MARF1: variants seen among roughly 807,000 people sequenced by gnomAD.
The protein encoded by MARF1 is limkain-b1.
A neutral mutation model predicts 168.2 loss-of-function variants in MARF1; 24 were observed. That is an observed-to-expected ratio of 0.14 (90% CI 0.10 to 0.20). MARF1 has a LOEUF of 0.20. MARF1 is among the 10% of genes least tolerant of loss of function. The pLI is 1.00. For synonymous variants in MARF1, 868 were observed against 822.4 expected, an observed-to-expected ratio of 1.06 and a Z score of -0.95; for missense variants, 1,744 against 2,143.6, an observed-to-expected ratio of 0.81 and a Z score of 3.68.
intron 4 of MARF1, 77 bp downstream of exon 4, chr16:15,634,680 G>T: frequency 7.2e-7 from 1 of 1,379,858 alleles, no homozygotes; most frequent in South Asian, 1.3e-5. Flanking sequence ...ATCCTTCAAA[G>T]GTGATTAAAT....
chr16:15,615,893 T>C lies in MARF1; in HGVS notation c.3190A>G (p.Thr1064Ala). Residue 1064 changes from threonine (T) to alanine (A), a missense_variant, in exon 16 of 27, where the codon ACT becomes GCT. By Grantham distance (58) the Thr-to-Ala change is moderately conservative. Around this residue, in one of 7 missense-constraint regions of MARF1, gnomAD observed 543 missense variants for 742.1 expected, o/e 0.73. Coordinates refer to ENST00000396368, the MANE Select transcript of MARF1 (RefSeq NM_014647.4). ...ITCVPGVNIA[T>A]AQNGIKVVKW... ...ACCACTTTGATGCCATTCTGAGCAG[T>C]GGCAATGTTTACACCTGGAACACAG... 1.2e-6 allele frequency: 2 copies of C among 1,602,644 alleles called. No individual in the cohort carries two copies. Among genetic ancestry groups the C allele is most frequent in the South Asian group, 2.2e-5 (2 of 89,358 alleles).
At chr16:15,609,757 A>G in intron 19 of MARF1, 32 bp from the exon 20 acceptor site, 1 of 1,581,414 alleles carries the variant, frequency 6.3e-7, no homozygotes, top group South Asian at 1.1e-5. Context: ...ATAAAATCAC[A>G]GTTTTTTTCT....
At chr16:15,604,849 C>T (rs1322072682) in intron 21 of MARF1, among the ~76,000 whole-genome samples, 2 of 152,182 alleles carry the variant, frequency 1.3e-5, no homozygotes, top group Non-Finnish European at 2.9e-5. Context: ...TGCCCATATG[C>T]GTCCCCAGGG....
Position 15,636,304 on chromosome 16 carries a change from T to G in MARF1, c.183A>C (p.Leu61=). The G allele has an allele frequency of 6.3e-7, 1 of 1,580,928 alleles. No individual in the cohort carries two copies. The highest frequency in any genetic ancestry group is 8.6e-7 in the Non-Finnish European group (1 of 1,162,306). ...YMENKKVAVE[L]KDVPSPLHAG... The stretch of plus-strand genomic sequence containing the variant: ...CATGAAGGGGTGATGGTACATCCTT[T>G]AGTTCCACAGCAACTTTCTTGTTCT... Residue 61 remains leucine (L), a synonymous_variant, in exon 3 of 27, where the codon CTA becomes CTC. Coordinates refer to ENST00000396368, the MANE Select transcript of MARF1 (RefSeq NM_014647.4).
At chr16:15,628,958 A>ACAT (rs1165449775) in intron 7 of MARF1, among the ~76,000 whole-genome samples, 2 of 152,196 alleles carry the variant, frequency 1.3e-5, no homozygotes, top group Non-Finnish European at 2.9e-5. Context: ...AATTATCAAA[A>ACAT]CATTGTTTTG....
At position 15,617,288 on chromosome 16, in the gene MARF1, G is replaced by T; in HGVS notation, c.2957+11C>A. 6.2e-7 allele frequency: 1 copy of T among 1,611,550 alleles called. No homozygotes were observed. The highest frequency in any genetic ancestry group is 1.1e-5 in the South Asian group (1 of 90,976). ...AAAAGAATTACTTCTAAAGGAAAACGAACGGCACACCTGAAATCCTTATTG... is the reference window on the plus strand; with the variant it reads ...AAAAGAATTACTTCTAAAGGAAAACTAACGGCACACCTGAAATCCTTATTG... On this transcript the variant is annotated intron_variant, in intron 14 of 26. Transcript: ENST00000396368.
At chr16:15,632,979 A>G (rs1016418225) in intron 5 of MARF1, among the ~76,000 whole-genome samples, 4 of 152,186 alleles carry the variant, frequency 2.6e-5, no homozygotes, top group Non-Finnish European at 4.4e-5. Context: ...TGAAAATCAA[A>G]GGAAATAATA....
intron 23 of MARF1, chr16:15,601,581 C>G: frequency 3.5e-6 from 1 of 286,254 alleles, no homozygotes. Flanking sequence ...AGAATGCTCT[C>G]TCCCCTCCTT....
intron 26 of MARF1, among the ~76,000 whole-genome samples, chr16:15,597,383 G>C (rs1225311403): frequency 6.6e-6 from 1 of 152,182 alleles, no homozygotes; most frequent in Non-Finnish European, 1.5e-5. Context: ...CATTTAGAGA[G>C]GACCTATGCT....
At chr16:15,613,040 G>A (rs999233871) in intron 16 of MARF1, among the ~76,000 whole-genome samples, 3 of 152,128 alleles carry the variant, frequency 2.0e-5, no homozygotes, top group Non-Finnish European at 2.9e-5. Context: ...CTACTATAGT[G>A]TTATTTATAG....
At chr16:15,626,016 TAC>T (rs1405759524) in intron 7 of MARF1, among the ~76,000 whole-genome samples, 2 of 152,162 alleles carry the variant, frequency 1.3e-5, no homozygotes, top group Non-Finnish European at 2.9e-5. Context: ...GGTGCATGCC[TAC>T]AGTCCCAGCT....
intron 23 of MARF1, chr16:15,600,952 C>A (rs1174370508): frequency 4.3e-6 from 3 of 690,440 alleles, no homozygotes; most frequent in Non-Finnish European, 7.9e-6. Flanking sequence ...CTTTATAATT[C>A]TTAAAAAGAC....
rs1325707769 is a variant in MARF1, at chr16:15,596,783, C to T, written c.5139G>A (p.Lys1713=). 4 of 1,613,574 alleles carry T rather than the reference C, an allele frequency of 2.5e-6. No homozygotes were observed. Among genetic ancestry groups the T allele is most frequent in the Non-Finnish European group, 3.4e-6 (4 of 1,179,614 alleles). The part of the protein sequence containing the change: ...SSETSESLLS[K]DPVESPAKKQ... Reference sequence around the variant, plus strand: ...TTTTGGCCGGGCTTTCCACGGGGTCCTTGCTGAGCAGTGACTCGGAGGTTT... The same window carrying T: ...TTTTGGCCGGGCTTTCCACGGGGTCTTTGCTGAGCAGTGACTCGGAGGTTT... The change falls in exon 27 of 27, where the codon AAG becomes AAA. Residue 1713 remains lysine, a synonymous_variant. Transcript: ENST00000396368.
intron 23 of MARF1, chr16:15,601,635 G>A (rs1303304544): frequency 5.5e-6 from 2 of 366,370 alleles, no homozygotes; most frequent in Non-Finnish European, 1.0e-5. Flanking sequence ...TTTTGCAACA[G>A]GCTCCCCAGG....
chr16:15,598,304 G>T (rs2031975706), intron 26 of MARF1, among the ~76,000 whole-genome samples: 1 of 152,174 alleles, frequency 6.6e-6, no homozygotes, highest in Non-Finnish European at 1.5e-5. Context: ...TGGAGCCGTG[G>T]TAAGAGTTAA....
intron 23 of MARF1, 74 bp from the exon 24 acceptor site, chr16:15,600,775 T>C: frequency 6.6e-7 from 1 of 1,504,040 alleles, no homozygotes; most frequent in Non-Finnish European, 9.3e-7. Context: ...AGGAAGAGTG[T>C]GACCTACGGA....
intron 10 of MARF1, among the ~76,000 whole-genome samples, chr16:15,623,911 T>C (rs1452325252): frequency 1.5e-5 from 2 of 129,246 alleles, no homozygotes; most frequent in Non-Finnish European, 3.2e-5. Context: ...TCACTTTCTC[T>C]TTTTTTTTTT....
intron 13 of MARF1, among the ~76,000 whole-genome samples, chr16:15,617,855 ATTC>A (rs1324316993): frequency 6.6e-6 from 1 of 151,856 alleles, no homozygotes; most frequent in East Asian, 1.9e-4. Context: ...CTCACTTCCA[ATTC>A]TCTGTGTTAC....
chr16:15,607,705 C>G (rs981623500), intron 21 of MARF1, among the ~76,000 whole-genome samples: 1 of 152,224 alleles, frequency 6.6e-6, no homozygotes. Flanking sequence ...CTGGCAGTGA[C>G]TTCTTCTGGT....
Sources: gnomAD v4.1 joint callset for allele counts (sites outside exome capture counted in the v4.1 genomes callset) on GRCh38, gnomAD v4.1.1 for gene constraint, gnomAD v4.1.1 regional missense constraint, MANE v1.5 for transcripts, NCBI Gene and HGNC (gene_info 2026-07-23, HGNC 2026-07-21) for gene names.